The following C14orf132 variants were observed in gnomAD, a reference collection of about 807,000 sequenced individuals.
The protein encoded by C14orf132 is chromosome 14 open reading frame 132, also known as uncharacterized protein C14orf132.
Under a neutral mutation model 5.8 loss-of-function variants are expected in C14orf132, and 6 were observed. The ratio of observed to expected loss-of-function variants is 1.03; its 90% confidence interval spans 0.57 to 2.04. The LOEUF is 2.04. Among genes scored for constraint, C14orf132 ranks in the 30% most tolerant of loss-of-function variants. C14orf132 has a pLI of 0.00. For missense variants in C14orf132, 125 were observed against 115.8 expected (o/e 1.08, Z -0.37); for synonymous variants, 51 against 49.8 (o/e 1.02, Z -0.10).
In C14orf132 at chr14:96,088,858, G is replaced by A; in HGVS notation, c.*2123G>A. 6.6e-6 allele frequency: 1 copy of A among 152,420 alleles called. No homozygotes were observed. The highest frequency in any genetic ancestry group is 1.5e-5 in the Non-Finnish European group (1 of 68,070). The allele number at this position is 152,420 out of a possible 1,614,324, so 9.4% of individuals were successfully genotyped here. Reference sequence around the variant, plus strand: ...AAAAAGGATGGCTTCTAGCCCTGAAGAGGACTCCAGCATCCCAGGCACCGG... The same window carrying A: ...AAAAAGGATGGCTTCTAGCCCTGAAAAGGACTCCAGCATCCCAGGCACCGG... On this transcript the variant is annotated 3_prime_UTR_variant, in exon 2 of 2. Transcript: ENST00000555004.
At chr14:96,054,452 G>A (rs2139651896) in intron 1 of C14orf132, among the ~76,000 whole-genome samples, 1 of 152,298 alleles carries the variant, frequency 6.6e-6, no homozygotes, top group South Asian at 2.1e-4. Context: ...TGAGTTCCCG[G>A]CCTGCCTCCA....
rs139669582 is a variant in C14orf132 at position 96,050,939 on chromosome 14, A to G, written c.27+11412A>G. Among the ~76,000 whole-genome samples, 648 of 152,206 alleles carry G rather than the reference A, an allele frequency of 4.3e-3. 4 individuals carry two copies. Among genetic ancestry groups the G allele is most frequent in the African/African-American group, 0.015 (619 of 41,506 alleles). On this transcript the variant is annotated intron_variant, in intron 1 of 1. Transcript: ENST00000555004. The stretch of plus-strand genomic sequence containing the variant: ...GAATTTTCATAAGGCTGTGCTTTTA[A>G]CAGCTATATTTCCACCGTTCCTCCT...
intron 1 of C14orf132, among the ~76,000 whole-genome samples, chr14:96,040,968 G>A (rs1886678615): frequency 6.6e-6 from 1 of 152,186 alleles, no homozygotes; most frequent in Non-Finnish European, 1.5e-5. Flanking sequence ...ACTGATCCCT[G>A]CTAACCCTGG....
intron 1 of C14orf132, among the ~76,000 whole-genome samples, chr14:96,071,115 T>C (rs1887694769): frequency 6.6e-6 from 1 of 152,178 alleles, no homozygotes. Flanking sequence ...CAGTTCCACA[T>C]GGCTGGGGAG....
chr14:96,088,008 G>T lies in C14orf132; in HGVS notation c.*1273G>T, dbSNP rs943859065. 1 of 149,594 alleles carries T rather than the reference G, an allele frequency of 6.7e-6. No individual in the cohort carries two copies. The highest frequency in any genetic ancestry group is 2.7e-3 in the Middle Eastern group (1 of 372). The allele number at this position is 149,594 out of a possible 1,614,324, so 9.3% of individuals were successfully genotyped here. The stretch of plus-strand genomic sequence containing the variant: ...TCCCAGTGCAGATAGAGTGGGAAAG[G>T]TCCCAGAAGGGGGCTCACTCACCTC... On this transcript the variant is annotated 3_prime_UTR_variant, in exon 2 of 2. Transcript: ENST00000555004.
chr14:96,052,362 G>A (rs1000000137), intron 1 of C14orf132, among the ~76,000 whole-genome samples: 12 of 152,230 alleles, frequency 7.9e-5, no homozygotes, highest in Non-Finnish European at 1.5e-4. Flanking sequence ...TGAGAGGGGC[G>A]TTGGAGGACA....
chr14:96,090,298 A>C lies in C14orf132; in HGVS notation c.*3563A>C, dbSNP rs1694096290. The C allele has an allele frequency of 4.9e-6, 1 of 202,644 alleles. No homozygotes were observed. Among genetic ancestry groups the C allele is most frequent in the African/African-American group, 2.4e-5 (1 of 42,038 alleles). 12.6% of individuals were successfully genotyped at this position (202,644 alleles called of 1,614,324 possible). On this transcript the variant is annotated 3_prime_UTR_variant, in exon 2 of 2. Coordinates refer to ENST00000555004, the MANE Select transcript of C14orf132 (RefSeq NM_001252507.3). ...TCCCAGCTACTCAGGAGGCTGACAC[A>C]GGAGAATTGCTTGAACCAGGAGGCG...
chr14:96,066,689 TC>T (rs1887540431), intron 1 of C14orf132, among the ~76,000 whole-genome samples: 1 of 152,056 alleles, frequency 6.6e-6, no homozygotes, highest in African/African-American at 2.4e-5. Flanking sequence ...GTGCTCACAG[TC>T]CCTAAGAAAA....
chr14:96,067,080 C>A (rs1322432038), intron 1 of C14orf132, among the ~76,000 whole-genome samples: 1 of 152,206 alleles, frequency 6.6e-6, no homozygotes, highest in Admixed American at 6.5e-5. Context: ...AGCAGCCAGT[C>A]TCAGAGCAGC....
In C14orf132 at chr14:96,088,791, G is replaced by A. The variant is rs1438257448; in HGVS notation, c.*2056G>A. ...CATGGAGATGGCAGTCGGGAGACAG[G>A]GTTCTGTGTTTGCTGCGGTGAAGGG... On this transcript the variant is annotated 3_prime_UTR_variant, in exon 2 of 2. Transcript: ENST00000555004. The A allele has an allele frequency of 6.6e-6, 1 of 152,358 alleles. No homozygotes were observed. Among genetic ancestry groups the A allele is most frequent in the South Asian group, 2.1e-4 (1 of 4,836 alleles). The allele number at this position is 152,358 out of a possible 1,614,324, so 9.4% of individuals were successfully genotyped here. A position where few individuals can be genotyped will look rare whatever the true frequency, so the allele number is the denominator to read the frequency against.
chr14:96,069,045 G>T (rs1213457582), intron 1 of C14orf132, among the ~76,000 whole-genome samples: 2 of 151,580 alleles, frequency 1.3e-5, no homozygotes, highest in African/African-American at 4.9e-5. Context: ...TGGTTCTCAG[G>T]CCTTTGGACT....
Position 96,090,760 on chromosome 14 carries a change from G to A in C14orf132, c.*4025G>A, listed in dbSNP as rs754260509. 2.0e-5 allele frequency: 9 copies of A among 456,072 alleles called. No homozygotes were observed. The highest frequency in any genetic ancestry group is 3.3e-4 in the Middle Eastern group (1 of 3,066). The allele number at this position is 456,072 out of a possible 1,614,324, so 28.3% of individuals were successfully genotyped here. On this transcript the variant is annotated 3_prime_UTR_variant, in exon 2 of 2. Transcript: ENST00000555004. ...AGGCAGCAGATGCTTTTCCAGCCCC[G>A]GTTCAGCTGGAAGGCTTGGAGGCTG...
intron 1 of C14orf132, among the ~76,000 whole-genome samples, chr14:96,071,319 C>T (rs763284984): frequency 6.6e-6 from 1 of 152,116 alleles, no homozygotes. Flanking sequence ...TTACCCCCCA[C>T]CAGGTCCCTC....
intron 1 of C14orf132, among the ~76,000 whole-genome samples, chr14:96,085,144 G>T (rs929408176): frequency 1.3e-5 from 2 of 152,200 alleles, no homozygotes; most frequent in Non-Finnish European, 2.9e-5. Flanking sequence ...AAATGGGGTT[G>T]CAGTATTAGC....
intron 1 of C14orf132, among the ~76,000 whole-genome samples, chr14:96,060,164 T>A (rs1335477542): frequency 6.6e-6 from 1 of 152,192 alleles, no homozygotes; most frequent in Non-Finnish European, 1.5e-5. Context: ...GACTTCTCCC[T>A]CCCTATCGGC....
chr14:96,055,247 G>A (rs1887146564), intron 1 of C14orf132, among the ~76,000 whole-genome samples: 1 of 152,196 alleles, frequency 6.6e-6, no homozygotes, highest in South Asian at 2.1e-4. Flanking sequence ...ATGGGTTTGT[G>A]TGACAGCTGA....
chr14:96,080,133 C>T lies in C14orf132; in HGVS notation c.28-6378C>T, dbSNP rs117693030. ...GCCACACAGACTCTCACTTTAGGCC[C>T]GTCTATAACTGACTTCAGCCTTCTT... On this transcript the variant is annotated intron_variant, in intron 1 of 1. Coordinates refer to ENST00000555004, the MANE Select transcript of C14orf132 (RefSeq NM_001252507.3). Among the ~76,000 whole-genome samples, 21 of 152,252 alleles carry T rather than the reference C, an allele frequency of 1.4e-4. No individual in the cohort carries two copies. In the South Asian group the frequency reaches 2.9e-3, roughly 21 times the overall value.
In C14orf132 at chr14:96,088,908, A is replaced by G. The variant is rs971725205; in HGVS notation, c.*2173A>G. 9 of 152,300 alleles carry G rather than the reference A, an allele frequency of 5.9e-5. No homozygotes were observed. The highest frequency in any genetic ancestry group is 2.0e-4 in the Admixed American group (3 of 15,284). The allele number at this position is 152,300 out of a possible 1,614,324, so 9.4% of individuals were successfully genotyped here. A position where few individuals can be genotyped will look rare whatever the true frequency, so the allele number is the denominator to read the frequency against. ...GGTGCTTCTGGCTGCAGTTTTCCCT[A>G]TGGAGGCCCCTCAGCCTCCAGCCCT... On this transcript the variant is annotated 3_prime_UTR_variant, in exon 2 of 2. Coordinates refer to ENST00000555004, the MANE Select transcript of C14orf132 (RefSeq NM_001252507.3).
intron 1 of C14orf132, among the ~76,000 whole-genome samples, chr14:96,062,058 A>C (rs2139659607): frequency 6.6e-6 from 1 of 152,254 alleles, no homozygotes; most frequent in Non-Finnish European, 1.5e-5. Context: ...AGTTAGTCAA[A>C]CTTTCTGAGG....
Sources: allele counts gnomAD v4.1 joint callset (sites outside exome capture counted in the v4.1 genomes callset), GRCh38; gene constraint gnomAD v4.1.1; transcripts MANE v1.5; gene names NCBI Gene and HGNC (gene_info 2026-07-23, HGNC 2026-07-21).